CSNK2A2IP: variants seen among roughly 807,000 people sequenced by gnomAD.
CSNK2A2IP encodes the protein casein kinase II subunit alpha'-interacting protein.
the CSNK2A2IP span, among the ~76,000 whole-genome samples, chr3:88,360,944 C>T: frequency 6.6e-6 from 1 of 152,028 alleles, no homozygotes. Context: ...AATAAACAAA[C>T]AAACAACAAC....
the CSNK2A2IP span, among the ~76,000 whole-genome samples, chr3:88,396,088 A>G: frequency 1.3e-4 from 19 of 151,490 alleles, no homozygotes; most frequent in African/African-American, 3.9e-4. Context: ...GTGCAATAAA[A>G]GAGGACTACC....
chr3:88,365,210 A>T, the CSNK2A2IP span, among the ~76,000 whole-genome samples: 8 of 152,214 alleles, frequency 5.3e-5, no homozygotes, highest in African/African-American at 1.9e-4. Flanking sequence ...AGAAAGCAGA[A>T]CATTACTGTT....
the CSNK2A2IP span, among the ~76,000 whole-genome samples, chr3:88,372,321 T>G: frequency 1.3e-5 from 2 of 151,434 alleles, no homozygotes; most frequent in East Asian, 3.9e-4. Context: ...TTTGCACCAA[T>G]CTAACATTAT....
chr3:88,455,097 T>A, the CSNK2A2IP span, among the ~76,000 whole-genome samples: 1 of 136,568 alleles, frequency 7.3e-6, no homozygotes, highest in Non-Finnish European at 1.6e-5. Flanking sequence ...TATTCCATTG[T>A]TTGTACACAC....
chr3:88,383,679 C>T, the CSNK2A2IP span, among the ~76,000 whole-genome samples: 2 of 82,494 alleles, frequency 2.4e-5, no homozygotes, highest in South Asian at 4.3e-4. Context: ...TTTTTTGGGA[C>T]GGAGTCTTGC....
At chr3:88,394,959 TA>T in the CSNK2A2IP span, among the ~76,000 whole-genome samples, 1 of 152,196 alleles carries the variant, frequency 6.6e-6, no homozygotes, top group Non-Finnish European at 1.5e-5. Flanking sequence ...GGTGATAATC[TA>T]CAAACTACAA....
At chr3:88,449,874 T>TATATATAGAGAGAGAGAGAGAGAGAG in the CSNK2A2IP span, among the ~76,000 whole-genome samples, 7 of 70,110 alleles carry the variant, frequency 1.0e-4, no homozygotes, top group South Asian at 1.3e-3. Context: ...TATATATATA[T>TATATATAGAGAGAGAGAGAGAGAGAG]AGAGAGAGAG....
chr3:88,356,328 C>A, the CSNK2A2IP span, among the ~76,000 whole-genome samples: 1 of 152,116 alleles, frequency 6.6e-6, no homozygotes, highest in African/African-American at 2.4e-5. Flanking sequence ...TTAGCTCCCA[C>A]ATATGAGTGA....
chr3:88,372,384 A>G, the CSNK2A2IP span, among the ~76,000 whole-genome samples: 1 of 151,566 alleles, frequency 6.6e-6, no homozygotes, highest in Non-Finnish European at 1.5e-5. Flanking sequence ...CTATATTGTT[A>G]CAAGCTTCCT....
chr3:88,394,323 T>C, the CSNK2A2IP span, among the ~76,000 whole-genome samples: 1 of 152,326 alleles, frequency 6.6e-6, no homozygotes, highest in Non-Finnish European at 1.5e-5. Flanking sequence ...TGTTTTTAAG[T>C]TTTAGCAATG....
chr3:88,391,297 T>C, the CSNK2A2IP span, among the ~76,000 whole-genome samples: 1 of 152,220 alleles, frequency 6.6e-6, no homozygotes, highest in Non-Finnish European at 1.5e-5. Flanking sequence ...TTTTGCACTG[T>C]TGAATTATAC....
the CSNK2A2IP span, among the ~76,000 whole-genome samples, chr3:88,391,889 A>T: frequency 6.6e-6 from 1 of 152,078 alleles, no homozygotes; most frequent in African/African-American, 2.4e-5. Flanking sequence ...AGGAAAGATG[A>T]CTCTGAAATT....
chr3:88,415,597 G>A, the CSNK2A2IP span, among the ~76,000 whole-genome samples: 1 of 151,928 alleles, frequency 6.6e-6, no homozygotes, highest in Non-Finnish European at 1.5e-5. Flanking sequence ...CTATAAGAGT[G>A]GGGAGGGGGC....
chr3:88,398,539 G>A, the CSNK2A2IP span, among the ~76,000 whole-genome samples: 1 of 152,016 alleles, frequency 6.6e-6, no homozygotes, highest in Non-Finnish European at 1.5e-5. Flanking sequence ...ATTCTTAAAT[G>A]CTGTATATAC....
At chr3:88,353,592 G>C in the CSNK2A2IP span, among the ~76,000 whole-genome samples, 14 of 152,136 alleles carry the variant, frequency 9.2e-5, no homozygotes, top group Non-Finnish European at 1.8e-4. Flanking sequence ...AAACTACTGA[G>C]ATTTTAGGGG....
the CSNK2A2IP span, among the ~76,000 whole-genome samples, chr3:88,449,639 C>T: frequency 6.7e-6 from 1 of 150,220 alleles, no homozygotes; most frequent in South Asian, 2.1e-4. Context: ...CTGCAACCCC[C>T]CATGTCCTGT....
chr3:88,402,948 T>C, the CSNK2A2IP span, among the ~76,000 whole-genome samples: 1 of 152,090 alleles, frequency 6.6e-6, no homozygotes, highest in Admixed American at 6.6e-5. Flanking sequence ...GTTTGTGAGA[T>C]TGCTTCTGCA....
chr3:88,449,826 C>CACAA, the CSNK2A2IP span, among the ~76,000 whole-genome samples: 1 of 48,394 alleles, frequency 2.1e-5, no homozygotes, highest in Non-Finnish European at 5.8e-5. Context: ...TCGAGACACA[C>CACAA]ACACACACAC....
chr3:88,459,982 T>A, the CSNK2A2IP span, among the ~76,000 whole-genome samples: 436 of 152,262 alleles, frequency 2.9e-3, 2 homozygotes, highest in African/African-American at 9.8e-3. Flanking sequence ...CCTTTTAAAC[T>A]TTGAACTATT....
Sources: allele counts gnomAD v4.1 joint callset (sites outside exome capture counted in the v4.1 genomes callset), GRCh38; gene constraint gnomAD v4.1.1; transcripts MANE v1.5; gene names NCBI Gene and HGNC (gene_info 2026-07-23, HGNC 2026-07-21).